Variants in TRAK1 observed in about 807,000 individuals in gnomAD.
TRAK1 encodes trafficking kinesin protein 1.
Under a neutral mutation model 92.1 loss-of-function variants are expected in TRAK1, and 33 were observed. The observed-to-expected ratio is 0.36, with a 90% CI of 0.27 to 0.48. The LOEUF (loss-of-function observed/expected upper bound fraction) is 0.48, where lower values mean the gene tolerates loss of function less well. Ranked by LOEUF, TRAK1 falls within the 20% of genes least tolerant of loss-of-function variation. The pLI, the probability that TRAK1 is intolerant of heterozygous loss-of-function variation, is 0.99. For synonymous variants in TRAK1, 521 were observed against 517.3 expected (o/e 1.01, Z -0.10); for missense variants, 1,123 against 1,257.9 (o/e 0.89, Z 1.62).
intron 14 of TRAK1, among the ~76,000 whole-genome samples, chr3:42,216,841 C>A (rs1052381019): frequency 1.3e-5 from 2 of 152,096 alleles, no homozygotes; most frequent in African/African-American, 4.8e-5. Context: ...ACTAGGAAGC[C>A]CTCCACTCAG....
At chr3:42,115,944 C>T in intron 1 of TRAK1, among the ~76,000 whole-genome samples, 1 of 152,204 alleles carries the variant, frequency 6.6e-6, no homozygotes, top group Admixed American at 6.5e-5. Context: ...CCCCTTCTGT[C>T]TTTTAGATCT....
chr3:42,054,612 A>C (rs950901068), intron 1 of TRAK1, among the ~76,000 whole-genome samples: 1 of 152,168 alleles, frequency 6.6e-6, no homozygotes, highest in Non-Finnish European at 1.5e-5. Flanking sequence ...GTTTTCTATA[A>C]AAACAGCCTT....
chr3:42,190,893 A>G (rs1385975400), intron 6 of TRAK1, among the ~76,000 whole-genome samples: 5 of 151,496 alleles, frequency 3.3e-5, no homozygotes, highest in African/African-American at 4.9e-5. Flanking sequence ...TCGGCCTCCC[A>G]AAGTGCTGGG....
chr3:42,217,845 T>C (rs938344560), intron 14 of TRAK1: 28 of 985,456 alleles, frequency 2.8e-5, no homozygotes, highest in Non-Finnish European at 3.3e-5. Context: ...CTTCTCTTCA[T>C]AGCTTACTCC....
intron 1 of TRAK1, among the ~76,000 whole-genome samples, chr3:42,092,401 T>G (rs7615430): frequency 0.041 from 6,196 of 152,282 alleles, 411 homozygotes; most frequent in African/African-American, 0.14. Flanking sequence ...TGAATAAGCC[T>G]AAAGACACTT....
At chr3:42,101,838 G>A (rs1377224067) in intron 1 of TRAK1, among the ~76,000 whole-genome samples, 1 of 152,176 alleles carries the variant, frequency 6.6e-6, no homozygotes, top group Non-Finnish European at 1.5e-5. Flanking sequence ...TTTTAGTTGG[G>A]AAGCCAAATA....
chr3:42,125,486 A>G lies in TRAK1; in HGVS notation c.158A>G (p.His53Arg), dbSNP rs2149139555. ...AGCCTGCTGGAGGAGCAGCTGCCCC[A>G]TTATAAGTTAAGAGCCGACACCATC... ...IISLLEEQLP[H>R]YKLRADTIYG... The change falls in exon 2 of 16, where the codon CAT becomes CGT. Residue 53 changes from histidine to arginine, a missense_variant. By Grantham distance (29) the His-to-Arg change is conservative. Transcript: ENST00000327628. The G allele has an allele frequency of 6.2e-7, 1 of 1,614,214 alleles. No homozygotes were observed. The highest frequency in any genetic ancestry group is 8.5e-7 in the Non-Finnish European group (1 of 1,180,044).
At chr3:42,201,168 T>C in intron 12 of TRAK1, 114 bp downstream of exon 12, 1 of 1,184,890 alleles carries the variant, frequency 8.4e-7, no homozygotes, top group Non-Finnish European at 1.2e-6. Flanking sequence ...ACCTGAAAAA[T>C]ACAGACCTGG....
intron 2 of TRAK1, among the ~76,000 whole-genome samples, chr3:42,137,557 G>T (rs976963729): frequency 1.3e-5 from 2 of 152,202 alleles, no homozygotes; most frequent in African/African-American, 4.8e-5. Context: ...AGAAAGATGG[G>T]TTTTTTCCCT....
chr3:42,216,267 GTCTGA>G (rs1279710332), intron 14 of TRAK1, among the ~76,000 whole-genome samples: 3 of 152,184 alleles, frequency 2.0e-5, no homozygotes, highest in African/African-American at 7.2e-5. Context: ...ATATAGTGCA[GTCTGA>G]GGGGCATCCA....
chr3:42,172,187 G>T lies in TRAK1; in HGVS notation c.287-4627G>T, dbSNP rs1006637822. Among the ~76,000 whole-genome samples the T allele has an allele frequency of 9.2e-5, 14 of 152,300 alleles. No homozygotes were observed. In the South Asian group the frequency reaches 1.2e-3, roughly 14 times the overall value. On this transcript the variant is annotated intron_variant, in intron 2 of 15. Transcript: ENST00000327628. ...CCTAGGAGGGTGTTTCTGTCAGGCA[G>T]ACCTCCTGCCACTGTGGGTTGTGGG...
chr3:42,200,577 C>T (rs1707381525), intron 11 of TRAK1, among the ~76,000 whole-genome samples: 1 of 152,166 alleles, frequency 6.6e-6, no homozygotes, highest in South Asian at 2.1e-4. Flanking sequence ...CTGGCATCAC[C>T]TTTAGGATAC....
intron 1 of TRAK1, among the ~76,000 whole-genome samples, chr3:42,108,350 G>A (rs537958216): frequency 2.0e-5 from 3 of 152,116 alleles, no homozygotes; most frequent in South Asian, 4.2e-4. Flanking sequence ...AATTAGCCAA[G>A]TGTGGTGCTG....
chr3:42,111,288 CAT>C (rs1319458387), intron 1 of TRAK1, among the ~76,000 whole-genome samples: 4 of 152,196 alleles, frequency 2.6e-5, no homozygotes, highest in African/African-American at 9.7e-5. Flanking sequence ...GGGAGGAACT[CAT>C]AGTTTAGCTT....
At chr3:42,020,585 A>G (rs1234281097) in intron 1 of TRAK1, among the ~76,000 whole-genome samples, 1 of 152,160 alleles carries the variant, frequency 6.6e-6, no homozygotes, top group Non-Finnish European at 1.5e-5. Context: ...AGTTGGGACT[A>G]TCATGGATAA....
At chr3:42,094,476 A>C (rs898854983) in intron 1 of TRAK1, among the ~76,000 whole-genome samples, 1 of 152,060 alleles carries the variant, frequency 6.6e-6, no homozygotes, top group Non-Finnish European at 1.5e-5. Context: ...TCCTGGGCTC[A>C]AGTGACTCTC....
At chr3:42,066,284 C>G (rs1485461648) in intron 1 of TRAK1, among the ~76,000 whole-genome samples, 1 of 152,158 alleles carries the variant, frequency 6.6e-6, no homozygotes, top group African/African-American at 2.4e-5. Flanking sequence ...TGAGATTGTG[C>G]CACTGCACTC....
chr3:42,217,268 C>G, intron 14 of TRAK1: 2 of 985,328 alleles, frequency 2.0e-6, no homozygotes, highest in Non-Finnish European at 2.4e-6. Flanking sequence ...AGCATCCTGG[C>G]AGTCAGTGGT....
chr3:42,133,443 C>T (rs1224130139), intron 2 of TRAK1, among the ~76,000 whole-genome samples: 2 of 152,190 alleles, frequency 1.3e-5, no homozygotes, highest in Non-Finnish European at 2.9e-5. Flanking sequence ...TGGCCTCGAA[C>T]TCCTGGGCTC....
Sources: allele counts gnomAD v4.1 joint callset (sites outside exome capture counted in the v4.1 genomes callset), GRCh38; gene constraint gnomAD v4.1.1; transcripts MANE v1.5; gene names NCBI Gene and HGNC (gene_info 2026-07-23, HGNC 2026-07-21).